The following LRRTM4 variants were observed in gnomAD, a reference collection of about 807,000 sequenced individuals.
The protein encoded by LRRTM4 is leucine rich repeat transmembrane neuronal 4, also known as leucine-rich repeat transmembrane neuronal protein 4.
LRRTM4 carries 25 observed loss-of-function variants against 47.6 expected under a neutral mutation model. The observed-to-expected ratio is 0.53, with a 90% CI of 0.38 to 0.73. LRRTM4 has a LOEUF of 0.73. Ranked by LOEUF, LRRTM4 falls within the 30% of genes least tolerant of loss-of-function variation. The pLI, the probability that LRRTM4 is intolerant of heterozygous loss-of-function variation, is 0.00. For synonymous variants in LRRTM4, 311 were observed against 269.5 expected (o/e 1.15, Z -1.51); for missense variants, 638 against 713.4 (o/e 0.89, Z 1.20).
At chr2:77,110,571 G>C (rs1671222692) in intron 3 of LRRTM4, among the ~76,000 whole-genome samples, 1 of 152,094 alleles carries the variant, frequency 6.6e-6, no homozygotes, top group South Asian at 2.1e-4. Flanking sequence ...TTTTGTTGAA[G>C]TTGTGTGCAA....
In LRRTM4 at chr2:77,519,804, A is replaced by C. The variant is rs1279180926; in HGVS notation, c.65T>G (p.Leu22Arg). ...AGCACCCGTGAGCATAACAAGCAGC[A>C]GTGTAGGAAGTAGCACCAGCACCAC... ...MSVVLVLLPT[L>R]LLVMLTGAQR... Residue 22 changes from leucine to arginine, a missense_variant, in exon 3 of 4, where the codon CTG becomes CGG. Transcript: ENST00000409884. This position sits in a 1 kb window ranked among gnomAD's most constrained non-coding sequence, Gnocchi z 4.6. 1 of 1,613,050 alleles carries C rather than the reference A, an allele frequency of 6.2e-7. No individual in the cohort carries two copies. Among genetic ancestry groups the C allele is most frequent in the Non-Finnish European group, 8.5e-7 (1 of 1,179,426 alleles).
At chr2:76,854,908 G>A (rs1391309541) in intron 3 of LRRTM4, among the ~76,000 whole-genome samples, 1 of 150,316 alleles carries the variant, frequency 6.7e-6, no homozygotes, top group Non-Finnish European at 1.5e-5. Context: ...TATTTTAGAA[G>A]TTGATAGCCT....
intron 3 of LRRTM4, among the ~76,000 whole-genome samples, chr2:77,289,842 C>A (rs1676771581): frequency 6.6e-6 from 1 of 151,798 alleles, no homozygotes; most frequent in African/African-American, 2.4e-5. Context: ...ATTTTACTGC[C>A]CATGTTTCTC....
intron 3 of LRRTM4, among the ~76,000 whole-genome samples, chr2:77,157,947 G>A (rs925887011): frequency 2.0e-5 from 3 of 152,056 alleles, no homozygotes; most frequent in Non-Finnish European, 2.9e-5. Context: ...AAAAAGAAAG[G>A]GATGGGTGGG....
intron 3 of LRRTM4, among the ~76,000 whole-genome samples, chr2:76,949,964 A>G (rs1046198728): frequency 1.3e-5 from 2 of 152,012 alleles, no homozygotes; most frequent in Admixed American, 1.3e-4. Context: ...GAGATAAGAT[A>G]GAAGACAAAA....
At chr2:77,114,278 A>G (rs1671329653) in intron 3 of LRRTM4, among the ~76,000 whole-genome samples, 1 of 152,150 alleles carries the variant, frequency 6.6e-6, no homozygotes, top group Non-Finnish European at 1.5e-5. Flanking sequence ...ATTGTTCTAC[A>G]CTTAAGGTTC....
chr2:77,106,583 A>G (rs1209766959), intron 3 of LRRTM4, among the ~76,000 whole-genome samples: 1 of 152,170 alleles, frequency 6.6e-6, no homozygotes, highest in Non-Finnish European at 1.5e-5. Flanking sequence ...ATAAGGCTAA[A>G]AAAGATATAA....
chr2:77,007,419 G>A (rs566934272), intron 3 of LRRTM4, among the ~76,000 whole-genome samples: 1 of 152,244 alleles, frequency 6.6e-6, no homozygotes, highest in South Asian at 2.1e-4. Flanking sequence ...AATTTGCTGA[G>A]ATATATTGGC....
intron 3 of LRRTM4, among the ~76,000 whole-genome samples, chr2:77,095,668 C>T (rs1181079629): frequency 6.6e-5 from 10 of 151,846 alleles, no homozygotes; most frequent in Admixed American, 6.6e-4. Flanking sequence ...GCCACCACGC[C>T]CGGCTAATTT....
intron 3 of LRRTM4, among the ~76,000 whole-genome samples, chr2:77,066,771 T>C (rs1264989624): frequency 6.6e-6 from 1 of 152,218 alleles, no homozygotes; most frequent in Non-Finnish European, 1.5e-5. Flanking sequence ...CTACTAAAGA[T>C]TGACATTTTA....
chr2:77,384,091 GTTGTTCAA>G (rs1367716810), intron 3 of LRRTM4, among the ~76,000 whole-genome samples: 7 of 151,976 alleles, frequency 4.6e-5, no homozygotes, highest in African/African-American at 1.7e-4. Context: ...AACTATATCA[GTTGTTCAA>G]TTAATGACTT....
intron 3 of LRRTM4, among the ~76,000 whole-genome samples, chr2:77,224,566 T>C (rs1380692874): frequency 6.6e-6 from 1 of 152,040 alleles, no homozygotes; most frequent in Non-Finnish European, 1.5e-5. Context: ...AGAACAGACA[T>C]TTCTCAAAAG....
intron 3 of LRRTM4, among the ~76,000 whole-genome samples, chr2:76,919,445 C>T (rs1674365204): frequency 6.6e-6 from 1 of 152,112 alleles, no homozygotes; most frequent in Non-Finnish European, 1.5e-5. Context: ...AGGACCAGTA[C>T]TGAAGACAAA....
rs909288789 is a variant in LRRTM4, at chr2:77,162,641, G to A, written c.1551+355677C>T. Among the ~76,000 whole-genome samples, 108 of 152,092 alleles carry A rather than the reference G, an allele frequency of 7.1e-4. 1 individual carries two copies. Among genetic ancestry groups the A allele is most frequent in the Non-Finnish European group, 2.4e-4 (16 of 68,012 alleles). On this transcript the variant is annotated intron_variant, in intron 3 of 3. Coordinates refer to ENST00000409884, the MANE Select transcript of LRRTM4 (RefSeq NM_001134745.3). ...ATGAAGCTTCCAGATGAAGGATCAG[G>A]CAGCAACATTTGCCATTCCACAATA...
In LRRTM4 at chr2:76,784,500, C is replaced by T. The variant is rs532416124; in HGVS notation, c.1552-35584G>A. Among the ~76,000 whole-genome samples, 135 of 152,110 alleles carry T rather than the reference C, an allele frequency of 8.9e-4. 1 individual carries two copies. Among genetic ancestry groups the T allele is most frequent in the African/African-American group, 3.2e-3 (131 of 41,538 alleles). ...AGATATATGAATGCTGTGTTTTTCT[C>T]ACTGGGTGATAAGATTAAGCTGATA... On this transcript the variant is annotated intron_variant, in intron 3 of 3. Coordinates refer to ENST00000409884, the MANE Select transcript of LRRTM4 (RefSeq NM_001134745.3).
intron 3 of LRRTM4, among the ~76,000 whole-genome samples, chr2:77,308,557 T>C (rs1166258691): frequency 6.6e-6 from 1 of 152,132 alleles, no homozygotes; most frequent in African/African-American, 2.4e-5. Flanking sequence ...ATAACATATA[T>C]AAGCCTGTAT....
At chr2:77,339,624 C>G (rs1418820205) in intron 3 of LRRTM4, among the ~76,000 whole-genome samples, 2 of 152,028 alleles carry the variant, frequency 1.3e-5, no homozygotes, top group Non-Finnish European at 2.9e-5. Context: ...CAGCTAATTA[C>G]TATAATTTCC....
intron 3 of LRRTM4, among the ~76,000 whole-genome samples, chr2:77,338,146 C>A (rs1671232334): frequency 6.6e-6 from 1 of 151,974 alleles, no homozygotes; most frequent in African/African-American, 2.4e-5. Context: ...CCCTGGAACA[C>A]AACCTAGGCA....
intron 3 of LRRTM4, among the ~76,000 whole-genome samples, chr2:76,753,582 T>G (rs1032641578): frequency 1.3e-5 from 2 of 152,200 alleles, no homozygotes; most frequent in Non-Finnish European, 2.9e-5. Context: ...GTGACACATT[T>G]TTTTCAATTA....
Sources: gnomAD v4.1 joint callset for allele counts (sites outside exome capture counted in the v4.1 genomes callset) on GRCh38, gnomAD v4.1.1 for gene constraint, Gnocchi (gnomAD v3.1) non-coding constraint, MANE v1.5 for transcripts, NCBI Gene and HGNC (gene_info 2026-07-23, HGNC 2026-07-21) for gene names.